TMEM120B: variants seen among roughly 807,000 people sequenced by gnomAD.
TMEM120B encodes the protein transmembrane protein 120B.
A neutral mutation model predicts 55.5 loss-of-function variants in TMEM120B; 31 were observed. The observed-to-expected ratio is 0.56, with a 90% confidence interval of 0.42 to 0.75. TMEM120B has a LOEUF of 0.75. Ranked by LOEUF, TMEM120B falls within the 30% of genes least tolerant of loss-of-function variation. TMEM120B has a pLI of 0.00. For synonymous variants in TMEM120B, 203 were observed against 176.3 expected (o/e 1.15, Z -1.20); for missense variants, 399 against 425.5 (o/e 0.94, Z 0.55).
Position 121,775,745 on chromosome 12 carries a change from G to C in TMEM120B, c.*23G>C. ...TGAGCCTCGGGCTCCTGTGCCCTCG[G>C]CCCGGACTTCAGACTGCAGGGGGCT... On this transcript the variant is annotated 3_prime_UTR_variant, in exon 12 of 12. Transcript: ENST00000449592. This position sits in a 1 kb window ranked among gnomAD's most constrained non-coding sequence, Gnocchi z 4.3. 1 of 1,612,550 alleles carries C rather than the reference G, an allele frequency of 6.2e-7. No homozygotes were observed. The highest frequency in any genetic ancestry group is 1.1e-5 in the South Asian group (1 of 91,074).
At chr12:121,736,131 AT>A (rs543427234) in intron 1 of TMEM120B, among the ~76,000 whole-genome samples, 3 of 151,996 alleles carry the variant, frequency 2.0e-5, no homozygotes, top group Middle Eastern at 3.4e-3. Context: ...CTTCAGCAAC[AT>A]TTCTGGATGA....
chr12:121,768,627 C>T (rs900251166), intron 6 of TMEM120B, among the ~76,000 whole-genome samples: 8 of 152,358 alleles, frequency 5.3e-5, no homozygotes, highest in African/African-American at 1.9e-4. Context: ...CCAGCCTCCA[C>T]CTCCCAGTCC....
At chr12:121,724,755 C>G (rs1013619035) in intron 1 of TMEM120B, among the ~76,000 whole-genome samples, 2 of 151,872 alleles carry the variant, frequency 1.3e-5, no homozygotes, top group Non-Finnish European at 2.9e-5. Flanking sequence ...GGACTACAGG[C>G]GCCCGCCACC....
intron 3 of TMEM120B, 133 bp from the exon 4 acceptor site, chr12:121,750,247 G>A: frequency 2.5e-6 from 2 of 800,978 alleles, no homozygotes; most frequent in South Asian, 1.5e-5. Flanking sequence ...GGGCCCATTT[G>A]CCCGCTGAGC....
At chr12:121,736,602 C>A (rs150700237) in intron 1 of TMEM120B, among the ~76,000 whole-genome samples, 2 of 150,326 alleles carry the variant, frequency 1.3e-5, no homozygotes, top group South Asian at 4.2e-4. Context: ...CAGGCTGGAG[C>A]GCAGTGGCAC....
intron 1 of TMEM120B, among the ~76,000 whole-genome samples, chr12:121,717,689 G>A (rs1255228762): frequency 2.6e-5 from 4 of 152,106 alleles, no homozygotes; most frequent in Admixed American, 1.3e-4. Flanking sequence ...ACGGAGTCTC[G>A]CTCTGTTGCC....
At chr12:121,772,928 G>A (rs1874111190) in intron 8 of TMEM120B, among the ~76,000 whole-genome samples, 1 of 152,056 alleles carries the variant, frequency 6.6e-6, no homozygotes, top group African/African-American at 2.4e-5. Flanking sequence ...TACAAGTATG[G>A]GACCTTTCTG....
intron 6 of TMEM120B, among the ~76,000 whole-genome samples, chr12:121,768,797 C>T (rs771779321): frequency 1.3e-5 from 2 of 151,958 alleles, no homozygotes; most frequent in Non-Finnish European, 2.9e-5. Context: ...CCTAGGCTGC[C>T]CCTGATGCTG....
In TMEM120B at chr12:121,775,232, G is replaced by A; in HGVS notation, c.906+102G>A. 1 of 1,185,604 alleles carries A rather than the reference G, an allele frequency of 8.4e-7. No homozygotes were observed. Among genetic ancestry groups the A allele is most frequent in the East Asian group, 3.3e-5 (1 of 30,412 alleles). 73.4% of individuals were successfully genotyped at this position (1,185,604 alleles called of 1,614,324 possible). A position where few individuals can be genotyped will look rare whatever the true frequency, so the allele number is the denominator to read the frequency against. ...TGCTGGGGTGCGGATTCCTGGGGAGGGCTGGGATGGCAGATGTGGGGGTGG... is the reference window on the plus strand; with the variant it reads ...TGCTGGGGTGCGGATTCCTGGGGAGAGCTGGGATGGCAGATGTGGGGGTGG... On this transcript the variant is annotated intron_variant, in intron 11 of 11. Coordinates refer to ENST00000449592, the MANE Select transcript of TMEM120B (RefSeq NM_001080825.2). This position sits in a 1 kb window ranked among gnomAD's most constrained non-coding sequence, Gnocchi z 4.3.
At chr12:121,758,276 G>T (rs1873542304) in intron 5 of TMEM120B, 1 of 985,360 alleles carries the variant, frequency 1.0e-6, no homozygotes, top group Admixed American at 6.1e-5. Context: ...GCAGGGCTGA[G>T]GCCAGTGGGG....
chr12:121,775,077 A>G lies in TMEM120B; in HGVS notation c.853A>G (p.Asn285Asp). ...LFCGHFWQLY[N>D]AVTLFELSSH... ...TCCTCTCCAGTTCTGGCAGCTCTACAATGCCGTCACGCTGTTTGAGCTCTC... is the reference window on the plus strand; with the variant it reads ...TCCTCTCCAGTTCTGGCAGCTCTACGATGCCGTCACGCTGTTTGAGCTCTC... The change falls in exon 11 of 12, where the codon AAT (asparagine) becomes GAT (aspartate). Residue 285 changes from asparagine to aspartate, a missense_variant. Asn to Asp is a conservative substitution (Grantham distance 23). This residue lies in a region of TMEM120B where 260 missense variants were observed against 303.9 expected (regional missense o/e 0.86). Coordinates refer to ENST00000449592, the MANE Select transcript of TMEM120B (RefSeq NM_001080825.2). This position sits in a 1 kb window ranked among gnomAD's most constrained non-coding sequence, Gnocchi z 4.3. The G allele has an allele frequency of 6.3e-7, 1 of 1,588,474 alleles. No individual in the cohort carries two copies. The highest frequency in any genetic ancestry group is 8.6e-7 in the Non-Finnish European group (1 of 1,165,330).
At chr12:121,767,305 C>T (rs1873881529) in intron 6 of TMEM120B, among the ~76,000 whole-genome samples, 6 of 152,186 alleles carry the variant, frequency 3.9e-5, no homozygotes, top group Admixed American at 3.9e-4. Context: ...GGACTACAGG[C>T]ACCCGCCACC....
chr12:121,712,814 G>C lies in TMEM120B; in HGVS notation c.-82G>C. ...GTGCCTCCGAGGGCGGTCGGCGAGC[G>C]CGCGGGCGTGGGGCGCTGGGGGGCC... On this transcript the variant is annotated 5_prime_UTR_variant, in exon 1 of 12. Transcript: ENST00000449592. 1 of 1,082,278 alleles carries C rather than the reference G, an allele frequency of 9.2e-7. No homozygotes were observed. The highest frequency in any genetic ancestry group is 1.2e-6 in the Non-Finnish European group (1 of 837,140). The allele number at this position is 1,082,278 out of a possible 1,614,324, so 67.0% of individuals were successfully genotyped here. A position where few individuals can be genotyped will look rare whatever the true frequency, so the allele number is the denominator to read the frequency against.
intron 10 of TMEM120B, 34 bp downstream of exon 10, chr12:121,774,756 T>C (rs1358640223): frequency 6.2e-7 from 1 of 1,609,554 alleles, no homozygotes; most frequent in Admixed American, 1.7e-5. Flanking sequence ...GTATCTCCTG[T>C]CTGGGCTGAC....
rs146058968 is a variant in TMEM120B, at chr12:121,722,048, G to A, written c.69+9084G>A. Among the ~76,000 whole-genome samples, 224 of 149,476 alleles carry A rather than the reference G, an allele frequency of 1.5e-3. 1 individual carries two copies. In the East Asian group the frequency reaches 0.039, roughly 26 times the overall value. ...GATCTCTTGACCTTGTGATCCGCCC[G>A]CTTTGGCCTCTCAAAGTGCTGGGAT... is the stretch of plus-strand genomic sequence containing the variant. On this transcript the variant is annotated intron_variant, in intron 1 of 11. Transcript: ENST00000449592.
Position 121,779,608 on chromosome 12 carries a change from T to G in TMEM120B, c.*3886T>G. On this transcript the variant is annotated 3_prime_UTR_variant, in exon 12 of 12. Transcript: ENST00000449592. Reference sequence around the variant, plus strand: ...ACGTCCTCCACATTCTCCCGAAACTTGGCGGAACATTCCAGGTAGAGAGCA... The same window carrying G: ...ACGTCCTCCACATTCTCCCGAAACTGGGCGGAACATTCCAGGTAGAGAGCA... 1 of 1,614,210 alleles carries G rather than the reference T, an allele frequency of 6.2e-7. No individual in the cohort carries two copies. The highest frequency in any genetic ancestry group is 2.2e-5 in the East Asian group (1 of 44,876).
At chr12:121,740,197 T>TA (rs1366611275) in intron 1 of TMEM120B, among the ~76,000 whole-genome samples, 1 of 152,060 alleles carries the variant, frequency 6.6e-6, no homozygotes, top group East Asian at 1.9e-4. Context: ...TAAAGAAAGC[T>TA]AGAGAGGCCT....
intron 1 of TMEM120B, 106 bp from the exon 2 acceptor site, chr12:121,743,523 A>G (rs1872992529): frequency 1.2e-6 from 1 of 801,546 alleles, no homozygotes; most frequent in East Asian, 2.7e-5. Flanking sequence ...ATGCCACTGC[A>G]CTCCAGCCTG....
chr12:121,770,316 C>T (rs1873996893), intron 6 of TMEM120B, among the ~76,000 whole-genome samples: 1 of 152,090 alleles, frequency 6.6e-6, no homozygotes, highest in South Asian at 2.1e-4. Context: ...GCAGAGACAC[C>T]AGTCACACTG....
Sources: allele counts gnomAD v4.1 joint callset (sites outside exome capture counted in the v4.1 genomes callset), GRCh38; gene constraint gnomAD v4.1.1; regional missense constraint gnomAD v4.1.1; non-coding constraint Gnocchi (gnomAD v3.1); transcripts MANE v1.5; gene names NCBI Gene and HGNC (gene_info 2026-07-23, HGNC 2026-07-21).